SLC35D4: variants seen among roughly 807,000 people sequenced by gnomAD.
SLC35D4 encodes the protein solute carrier family 35 member D4.
At chr18:23,247,946 C>G in the SLC35D4 span, among the ~76,000 whole-genome samples, 1 of 152,232 alleles carries the variant, frequency 6.6e-6, no homozygotes, top group Non-Finnish European at 1.5e-5. Flanking sequence ...CCCTCCCTGC[C>G]CACTCCCTGC....
chr18:23,317,946 C>A, the SLC35D4 span, among the ~76,000 whole-genome samples: 1 of 152,096 alleles, frequency 6.6e-6, no homozygotes, highest in African/African-American at 2.4e-5. Flanking sequence ...CCATGTTGGC[C>A]AGGCTGATCT....
At chr18:23,371,989 G>A in the SLC35D4 span, among the ~76,000 whole-genome samples, 14 of 111,766 alleles carry the variant, frequency 1.3e-4, no homozygotes, top group African/African-American at 4.6e-4. Flanking sequence ...AGGCTGGAGT[G>A]CAGTGGCGGG....
At chr18:23,307,491 G>A in the SLC35D4 span, among the ~76,000 whole-genome samples, 1 of 152,168 alleles carries the variant, frequency 6.6e-6, no homozygotes, top group Non-Finnish European at 1.5e-5. Flanking sequence ...AGAGTTCAGG[G>A]GTGAAACCCA....
the SLC35D4 span, among the ~76,000 whole-genome samples, chr18:23,364,933 A>ATAAT: frequency 1.3e-4 from 2 of 15,794 alleles, no homozygotes; most frequent in East Asian, 1.8e-3. Context: ...AAAAAAAAAA[A>ATAAT]GGACTCCTTT....
the SLC35D4 span, among the ~76,000 whole-genome samples, chr18:23,294,253 TC>T: frequency 6.6e-6 from 1 of 152,070 alleles, no homozygotes; most frequent in Non-Finnish European, 1.5e-5. Flanking sequence ...ATTAAGGTCA[TC>T]AGGTACCAAA....
At chr18:23,242,259 C>T in the SLC35D4 span, among the ~76,000 whole-genome samples, 2 of 152,086 alleles carry the variant, frequency 1.3e-5, no homozygotes, top group Non-Finnish European at 1.5e-5. Flanking sequence ...GCCTGGGTGA[C>T]GAGAATGAAA....
the SLC35D4 span, chr18:23,365,785 G>T: frequency 1.8e-6 from 2 of 1,108,750 alleles, no homozygotes; most frequent in South Asian, 1.5e-5. Flanking sequence ...TATCTGCACT[G>T]ACTCACTCTG....
At chr18:23,278,793 C>T in the SLC35D4 span, among the ~76,000 whole-genome samples, 3 of 151,946 alleles carry the variant, frequency 2.0e-5, no homozygotes, top group Non-Finnish European at 4.4e-5. Context: ...ATCGCTTGAG[C>T]TCAGGAGTTC....
At chr18:23,280,952 T>A in the SLC35D4 span, among the ~76,000 whole-genome samples, 1 of 151,636 alleles carries the variant, frequency 6.6e-6, no homozygotes, top group South Asian at 2.1e-4. Context: ...CACCCACGCC[T>A]CTCCCCACCC....
chr18:23,315,356 C>G, the SLC35D4 span, among the ~76,000 whole-genome samples: 1 of 151,972 alleles, frequency 6.6e-6, no homozygotes, highest in South Asian at 2.1e-4. Flanking sequence ...AAAACTTTTA[C>G]TGAACTTGGC....
At chr18:23,354,559 A>G in the SLC35D4 span, among the ~76,000 whole-genome samples, 1 of 149,512 alleles carries the variant, frequency 6.7e-6, no homozygotes, top group Non-Finnish European at 1.5e-5. Context: ...ACTGGTGGTC[A>G]TGAGGGTGGG....
At chr18:23,361,593 C>T in the SLC35D4 span, among the ~76,000 whole-genome samples, 44,703 of 152,042 alleles carry the variant, frequency 0.29, 7,508 homozygotes, top group Non-Finnish European at 0.37. Context: ...TTCAACAAAT[C>T]GAAGTTGCAG....
the SLC35D4 span, among the ~76,000 whole-genome samples, chr18:23,347,087 C>G: frequency 6.6e-6 from 1 of 151,812 alleles, no homozygotes; most frequent in Non-Finnish European, 1.5e-5. Flanking sequence ...TAAAACACTT[C>G]TTCTTTAAAT....
At chr18:23,409,670 C>T in the SLC35D4 span, among the ~76,000 whole-genome samples, 22 of 152,196 alleles carry the variant, frequency 1.4e-4, no homozygotes, top group African/African-American at 5.3e-4. Flanking sequence ...TAGTAAAACA[C>T]CGTCTCAACT....
chr18:23,286,795 C>A, the SLC35D4 span, among the ~76,000 whole-genome samples: 3 of 152,110 alleles, frequency 2.0e-5, no homozygotes, highest in East Asian at 5.8e-4. Flanking sequence ...GTTATCCCCA[C>A]CTGCCCAGTT....
the SLC35D4 span, among the ~76,000 whole-genome samples, chr18:23,246,849 C>A: frequency 4.0e-5 from 6 of 150,398 alleles, 1 homozygote; most frequent in African/African-American, 1.5e-4. Flanking sequence ...TGCACCACCA[C>A]GCCCAGCTAA....
At chr18:23,245,742 T>C in the SLC35D4 span, among the ~76,000 whole-genome samples, 66 of 152,338 alleles carry the variant, frequency 4.3e-4, no homozygotes, top group African/African-American at 1.5e-3. Flanking sequence ...GACCTTCTCC[T>C]TTCCCTGTAC....
the SLC35D4 span, among the ~76,000 whole-genome samples, chr18:23,256,019 T>TACATGGGGTGAGGCCTTCCTC: frequency 6.6e-6 from 1 of 152,198 alleles, no homozygotes; most frequent in African/African-American, 2.4e-5. Flanking sequence ...TGGCCTTCCT[T>TACATGGGGTGAGGCCTTCCTC]ACATGGGGTG....
chr18:23,327,535 C>T, the SLC35D4 span, among the ~76,000 whole-genome samples: 1 of 152,212 alleles, frequency 6.6e-6, no homozygotes, highest in Non-Finnish European at 1.5e-5. Context: ...CAATAACAGG[C>T]TCTGAAATTG....
Sources: allele counts gnomAD v4.1 joint callset (sites outside exome capture counted in the v4.1 genomes callset), GRCh38; gene constraint gnomAD v4.1.1; transcripts MANE v1.5; gene names NCBI Gene and HGNC (gene_info 2026-07-23, HGNC 2026-07-21).